The following MAPK8 variants were observed in gnomAD, a reference collection of about 807,000 sequenced individuals.
MAPK8 encodes the protein JUN N-terminal kinase.
MAPK8 carries 13 observed loss-of-function variants against 52.9 expected under a neutral mutation model. The observed-to-expected ratio is 0.25, with a 90% CI of 0.16 to 0.39. The LOEUF (loss-of-function observed/expected upper bound fraction) is 0.39. MAPK8 is among the 10% of genes least tolerant of loss of function. The probability of loss-of-function intolerance (pLI) is 1.00; values close to 1 mark genes in which losing one functional copy is unlikely to be tolerated. For synonymous variants in MAPK8, 191 were observed against 169.8 expected (o/e 1.12, Z -0.97); for missense variants, 300 against 519.2 (o/e 0.58, Z 4.10).
At position 48,426,087 on chromosome 10, in the gene MAPK8, T is replaced by G; in HGVS notation, c.871+17T>G. The G allele has an allele frequency of 6.3e-7, 1 of 1,595,396 alleles. No individual in the cohort carries two copies. The highest frequency in any genetic ancestry group is 8.6e-7 in the Non-Finnish European group (1 of 1,168,602). ...AACTTAAAGGTACTTTTTACAAATA[T>G]GTACATTTAATCCCATTTGGGGTGT... On this transcript the variant is annotated intron_variant, in intron 8 of 11. Coordinates refer to ENST00000374189, the MANE Select transcript of MAPK8 (RefSeq NM_001323329.2).
intron 11 of MAPK8, among the ~76,000 whole-genome samples, chr10:48,431,908 A>G (rs2044312610): frequency 1.3e-5 from 2 of 152,218 alleles, no homozygotes; most frequent in African/African-American, 2.4e-5. Context: ...TATATACTTT[A>G]TTTCATTCAG....
chr10:48,354,826 A>T (rs1257601846), intron 1 of MAPK8, among the ~76,000 whole-genome samples: 2 of 152,120 alleles, frequency 1.3e-5, no homozygotes, highest in African/African-American at 4.8e-5. Flanking sequence ...TCCCTAAGAT[A>T]ATTTATCCCC....
intron 1 of MAPK8, among the ~76,000 whole-genome samples, chr10:48,391,047 A>C (rs1487848012): frequency 2.0e-5 from 3 of 152,212 alleles, no homozygotes; most frequent in Admixed American, 6.5e-5. Flanking sequence ...CTTAGACAAA[A>C]TTTGGATAGA....
intron 1 of MAPK8, among the ~76,000 whole-genome samples, chr10:48,396,261 AG>A (rs1345246107): frequency 2.0e-5 from 3 of 152,184 alleles, no homozygotes; most frequent in Non-Finnish European, 4.4e-5. Context: ...GTAGGAAATA[AG>A]ACAATGCAAT....
chr10:48,387,981 T>C (rs763870997), intron 1 of MAPK8, among the ~76,000 whole-genome samples: 17 of 152,168 alleles, frequency 1.1e-4, no homozygotes, highest in Non-Finnish European at 2.2e-4. Flanking sequence ...ATGAAATCTT[T>C]TGTGTACATA....
Position 48,392,747 on chromosome 10 carries a change from A to G in MAPK8, c.-49-8865A>G, listed in dbSNP as rs147389676. 6.5e-4 allele frequency among the ~76,000 whole-genome samples: 99 copies of G among 152,222 alleles called. 1 individual carries two copies. The East Asian group carries it at 0.017, about 26-fold the overall frequency. ...TATGTTATATGTGTTATACTATGCT[A>G]TATCATATATACTATATAATCTAAT... On this transcript the variant is annotated intron_variant, in intron 1 of 11. Coordinates refer to ENST00000374189, the MANE Select transcript of MAPK8 (RefSeq NM_001323329.2).
chr10:48,328,476 T>C (rs1175613296), intron 1 of MAPK8, among the ~76,000 whole-genome samples: 1 of 152,222 alleles, frequency 6.6e-6, no homozygotes, highest in Non-Finnish European at 1.5e-5. Context: ...ACCTGGTTGA[T>C]CGTTGAATGC....
chr10:48,404,377 C>T (rs952583302), intron 2 of MAPK8, among the ~76,000 whole-genome samples: 2 of 151,628 alleles, frequency 1.3e-5, no homozygotes, highest in East Asian at 1.9e-4. Context: ...AGGATGGTCT[C>T]GATCTCCTGA....
At chr10:48,365,584 C>T (rs1292276749) in intron 1 of MAPK8, among the ~76,000 whole-genome samples, 1 of 152,048 alleles carries the variant, frequency 6.6e-6, no homozygotes, top group Admixed American at 6.5e-5. Context: ...AAATTCTAAA[C>T]CTTTGCTAAC....
chr10:48,375,823 T>G (rs948651463), intron 1 of MAPK8, among the ~76,000 whole-genome samples: 1 of 152,150 alleles, frequency 6.6e-6, no homozygotes, highest in African/African-American at 2.4e-5. Flanking sequence ...CCAAAATAAT[T>G]TGTAGATTCA....
At chr10:48,328,104 C>T (rs936282588) in intron 1 of MAPK8, among the ~76,000 whole-genome samples, 2 of 152,114 alleles carry the variant, frequency 1.3e-5, no homozygotes, top group African/African-American at 4.8e-5. Context: ...GCAACCTCAG[C>T]CTCCTGGGTT....
intron 1 of MAPK8, among the ~76,000 whole-genome samples, chr10:48,372,990 G>GTCGGGTT (rs1377169772): frequency 2.0e-5 from 3 of 152,228 alleles, no homozygotes; most frequent in Non-Finnish European, 2.9e-5. Context: ...AGAGAGAAAG[G>GTCGGGTT]TCGGGTTACC....
At chr10:48,405,978 A>T (rs948022544) in intron 3 of MAPK8, among the ~76,000 whole-genome samples, 2 of 152,170 alleles carry the variant, frequency 1.3e-5, no homozygotes, top group African/African-American at 4.8e-5. Context: ...ACATACAGAG[A>T]GTTAAATATC....
At chr10:48,355,619 T>G (rs1846833125) in intron 1 of MAPK8, among the ~76,000 whole-genome samples, 1 of 152,062 alleles carries the variant, frequency 6.6e-6, no homozygotes. Flanking sequence ...AGAGAAACAG[T>G]TGAAAAGTAC....
At chr10:48,420,766 G>T (rs2043308161) in intron 6 of MAPK8, among the ~76,000 whole-genome samples, 1 of 152,138 alleles carries the variant, frequency 6.6e-6, no homozygotes, top group Non-Finnish European at 1.5e-5. Flanking sequence ...ATACATTAAG[G>T]CCTCTGCAAA....
rs1338800067 is a variant in MAPK8 at position 48,436,125 on chromosome 10, GTGA to G, written c.*1099_*1101del. The G allele has an allele frequency of 3.3e-5, 5 of 152,322 alleles. No individual in the cohort carries two copies. In the East Asian group the frequency reaches 7.7e-4, roughly 24 times the overall value. The allele number at this position is 152,322 out of a possible 1,614,324, so 9.4% of individuals were successfully genotyped here. Reference sequence around the variant, plus strand: ...CCAAACCCTACCTAGATTTGTGTAGGTGATGTATCAAATGAGCAATATACCGTT... The same window carrying G: ...CCAAACCCTACCTAGATTTGTGTAGGTGTATCAAATGAGCAATATACCGTT... On this transcript the variant is annotated 3_prime_UTR_variant, in exon 12 of 12. Transcript: ENST00000374189.
intron 1 of MAPK8, among the ~76,000 whole-genome samples, chr10:48,314,145 C>T (rs923008131): frequency 1.3e-5 from 2 of 152,008 alleles, no homozygotes; most frequent in African/African-American, 2.4e-5. Context: ...TTCTGGAGGT[C>T]GGGAAGTTCA....
chr10:48,412,001 C>T (rs1467545888), intron 5 of MAPK8, among the ~76,000 whole-genome samples: 1 of 152,012 alleles, frequency 6.6e-6, no homozygotes, highest in Non-Finnish European at 1.5e-5. Context: ...CCTGCCCCCA[C>T]GCCTGGTTAA....
chr10:48,346,449 C>T (rs552701203), intron 1 of MAPK8, among the ~76,000 whole-genome samples: 29 of 152,360 alleles, frequency 1.9e-4, no homozygotes, highest in Admixed American at 1.1e-3. Flanking sequence ...CTGGCAGTGA[C>T]GCCAGCGTCT....
Sources: allele counts gnomAD v4.1 joint callset (sites outside exome capture counted in the v4.1 genomes callset), GRCh38; gene constraint gnomAD v4.1.1; transcripts MANE v1.5; gene names NCBI Gene and HGNC (gene_info 2026-07-23, HGNC 2026-07-21).